Variants in PRSS23 observed in about 807,000 individuals in gnomAD.
PRSS23 encodes the protein serine protease 23, also known as protease, serine 23.
Under a neutral mutation model 34.7 loss-of-function variants are expected in PRSS23, and 25 were observed. The observed-to-expected ratio is 0.72, with a 90% CI of 0.53 to 1.01. PRSS23 has a LOEUF of 1.01. PRSS23 is among the 50% of genes least tolerant of loss of function. The pLI, the probability that PRSS23 is intolerant of heterozygous loss-of-function variation, is 0.00. For missense variants in PRSS23, 445 were observed against 475.6 expected (o/e 0.94, Z 0.60); for synonymous variants, 176 against 186.6 (o/e 0.94, Z 0.46).
At chr11:86,823,761 T>C (rs908440937) in intron 2 of PRSS23, among the ~76,000 whole-genome samples, 9 of 151,874 alleles carry the variant, frequency 5.9e-5, no homozygotes, top group South Asian at 4.1e-4. Flanking sequence ...AATCCCAGCA[T>C]TTTGGGAGGC....
chr11:86,873,310 T>G (rs1948699733), intron 2 of PRSS23, among the ~76,000 whole-genome samples: 1 of 147,228 alleles, frequency 6.8e-6, no homozygotes, highest in African/African-American at 2.5e-5. Context: ...TTTTTCTTTT[T>G]GAGATGGAGT....
chr11:86,894,953 T>G (rs897725394), intron 2 of PRSS23, among the ~76,000 whole-genome samples: 1 of 152,186 alleles, frequency 6.6e-6, no homozygotes, highest in Non-Finnish European at 1.5e-5. Flanking sequence ...TCCTCTCTAT[T>G]GAGCTGTCTT....
At position 86,858,704 on chromosome 11, in the gene PRSS23, A is replaced by G. The variant is rs12276529; in HGVS notation, c.206+35111A>G. Among the ~76,000 whole-genome samples, 704 of 151,860 alleles carry G rather than the reference A, an allele frequency of 4.6e-3. 10 individuals carry two copies. The highest frequency in any genetic ancestry group is 0.016 in the African/African-American group (682 of 41,378). ...GGGCGACAGGATGATATTACTCCCA[A>G]TATCACAGGGGGTGTACACAACCCT... On this transcript the variant is annotated intron_variant, in intron 2 of 2. Coordinates refer to the PRSS23 transcript ENST00000533902.
chr11:86,826,755 T>G lies in PRSS23; in HGVS notation c.206+3162T>G, dbSNP rs182274435. Among the ~76,000 whole-genome samples, 200 of 152,352 alleles carry G rather than the reference T, an allele frequency of 1.3e-3. 1 individual carries two copies. Among genetic ancestry groups the G allele is most frequent in the African/African-American group, 4.6e-3 (190 of 41,586 alleles). On this transcript the variant is annotated intron_variant, in intron 2 of 2. Transcript: ENST00000533902. Reference sequence around the variant, plus strand: ...TTCTGCATCTATTGAGATAATCATGTGATTTTTGTCTTTGGTTCTGTTTAT... The same window carrying G: ...TTCTGCATCTATTGAGATAATCATGGGATTTTTGTCTTTGGTTCTGTTTAT...
intron 2 of PRSS23, among the ~76,000 whole-genome samples, chr11:86,928,136 C>G (rs1949094318): frequency 1.4e-5 from 2 of 147,374 alleles, no homozygotes; most frequent in South Asian, 4.2e-4. Flanking sequence ...GTATTATATA[C>G]TTATAATACA....
At chr11:86,942,386 T>C (rs1949212867) in intron 2 of PRSS23, among the ~76,000 whole-genome samples, 1 of 152,224 alleles carries the variant, frequency 6.6e-6, no homozygotes, top group African/African-American at 2.4e-5. Context: ...ATCTATTCCA[T>C]CTCATTGCTT....
intron 2 of PRSS23, among the ~76,000 whole-genome samples, chr11:86,878,497 G>A (rs927958843): frequency 6.6e-6 from 1 of 152,138 alleles, no homozygotes; most frequent in East Asian, 1.9e-4. Flanking sequence ...GCTCCTAACC[G>A]CGAGTGATCC....
intron 2 of PRSS23, among the ~76,000 whole-genome samples, chr11:86,895,537 T>C (rs1263013645): frequency 7.5e-6 from 1 of 134,126 alleles, no homozygotes; most frequent in East Asian, 2.3e-4. Flanking sequence ...TGGAGTACAG[T>C]GATGTGATCT....
chr11:86,812,565 A>G (rs1211279716), downstream of PRSS23, among the ~76,000 whole-genome samples: 2 of 152,086 alleles, frequency 1.3e-5, no homozygotes, highest in Non-Finnish European at 2.9e-5. Flanking sequence ...AGGCAGGTGG[A>G]TCACTTGAGG....
intron 2 of PRSS23, among the ~76,000 whole-genome samples, chr11:86,891,483 GCA>G (rs887819530): frequency 6.6e-6 from 1 of 152,176 alleles, no homozygotes; most frequent in African/African-American, 2.4e-5. Context: ...AGGCTGAGGA[GCA>G]CAGCTATCCT....
At chr11:86,938,431 C>T (rs1465005492) in intron 2 of PRSS23, among the ~76,000 whole-genome samples, 3 of 152,030 alleles carry the variant, frequency 2.0e-5, no homozygotes, top group African/African-American at 2.4e-5. Context: ...AGAAGGGCCA[C>T]GGAGTGAAAG....
At chr11:86,797,805 A>G (rs1413023724), upstream of PRSS23, among the ~76,000 whole-genome samples, 1 of 152,248 alleles carries the variant, frequency 6.6e-6, no homozygotes, top group African/African-American at 2.4e-5. Flanking sequence ...CACACTATGT[A>G]TATTCATTCA....
chr11:86,827,199 A>G (rs1948309215), intron 2 of PRSS23, among the ~76,000 whole-genome samples: 1 of 152,164 alleles, frequency 6.6e-6, no homozygotes, highest in South Asian at 2.1e-4. Context: ...CAGAGATTCA[A>G]CTTCTTCCTG....
At chr11:86,917,861 G>C (rs1170865997) in intron 2 of PRSS23, among the ~76,000 whole-genome samples, 2 of 152,198 alleles carry the variant, frequency 1.3e-5, no homozygotes, top group African/African-American at 4.8e-5. Context: ...CACATGCTGG[G>C]CATTGCACCA....
intron 1 of PRSS23, among the ~76,000 whole-genome samples, chr11:86,805,619 T>G (rs1479275293): frequency 6.6e-6 from 1 of 152,204 alleles, no homozygotes; most frequent in East Asian, 1.9e-4. Flanking sequence ...ACCTTATTTC[T>G]TTCTTTTCCT....
chr11:86,876,740 A>C (rs961185255), intron 2 of PRSS23, among the ~76,000 whole-genome samples: 1 of 152,226 alleles, frequency 6.6e-6, no homozygotes, highest in Non-Finnish European at 1.5e-5. Context: ...AATAAAAAAA[A>C]AAACGAAGCA....
Position 86,800,666 on chromosome 11 carries a change from C to T in PRSS23, c.-14+15C>T, listed in dbSNP as rs1021844934. ...GCTCGGCGCGGGTGAGTGCGGGCAC[C>T]GACTGGGGCATCCGCCCGGGCGCGG... On this transcript the variant is annotated intron_variant, in intron 1 of 1. Transcript: ENST00000280258. The T allele has an allele frequency of 3.0e-5, 30 of 984,206 alleles. No homozygotes were observed. The highest frequency in any genetic ancestry group is 5.2e-4 in the Middle Eastern group (1 of 1,936). 61.0% of individuals were successfully genotyped at this position (984,206 alleles called of 1,614,324 possible).
At chr11:86,817,252 A>G (rs1948221020) in intron 1 of PRSS23, among the ~76,000 whole-genome samples, 1 of 152,040 alleles carries the variant, frequency 6.6e-6, no homozygotes, top group African/African-American at 2.4e-5. Context: ...ACTTCCTATA[A>G]CTTTTTATAT....
At chr11:86,862,764 T>A (rs1443282906) in intron 2 of PRSS23, among the ~76,000 whole-genome samples, 1 of 151,936 alleles carries the variant, frequency 6.6e-6, no homozygotes, top group East Asian at 1.9e-4. Context: ...CCTAGGGGCA[T>A]GTTACTCCTA....
Sources: allele counts gnomAD v4.1 joint callset (sites outside exome capture counted in the v4.1 genomes callset), GRCh38; gene constraint gnomAD v4.1.1; transcripts MANE v1.5; gene names NCBI Gene and HGNC (gene_info 2026-07-23, HGNC 2026-07-21).